PPP2R2C: variants seen among roughly 807,000 people sequenced by gnomAD.
The protein encoded by PPP2R2C is protein phosphatase 2, regulatory subunit B, gamma.
Under a neutral mutation model 45.3 loss-of-function variants are expected in PPP2R2C, and 10 were observed. The observed-to-expected ratio is 0.22, with a 90% CI of 0.14 to 0.37. PPP2R2C has a LOEUF of 0.37. Among genes scored for constraint, PPP2R2C ranks in the 10% least tolerant of loss-of-function variants. The pLI is 1.00. For missense variants in PPP2R2C, 308 were observed against 619.7 expected (o/e 0.50, Z 5.34); for synonymous variants, 257 against 245.4 (o/e 1.05, Z -0.44).
In PPP2R2C at chr4:6,320,712, C is replaced by A. The variant is rs1451644913; in HGVS notation, c.*2590G>T. ...GCACCTATGAGTTACAGAGTCCAAA[C>A]TGATCAGGGCTGACAACTTGACCAC... On this transcript the variant is annotated 3_prime_UTR_variant, in exon 9 of 9. Coordinates refer to ENST00000382599, the MANE Select transcript of PPP2R2C (RefSeq NM_020416.4). The A allele has an allele frequency of 2.6e-5, 4 of 152,618 alleles. No homozygotes were observed. The East Asian group carries it at 7.7e-4, about 29-fold the overall frequency. The allele number at this position is 152,618 out of a possible 1,614,324, so 9.5% of individuals were successfully genotyped here.
chr4:6,322,665 A>G lies in PPP2R2C; in HGVS notation c.*637T>C, dbSNP rs555074687. The G allele has an allele frequency of 6.6e-6, 1 of 152,252 alleles. No individual in the cohort carries two copies. The highest frequency in any genetic ancestry group is 2.1e-4 in the South Asian group (1 of 4,822). The allele number at this position is 152,252 out of a possible 1,614,324, so 9.4% of individuals were successfully genotyped here. Reference sequence around the variant, plus strand: ...CTCGGGAAACCGCACCAGACCTGGGACCTGGGATGTTTCAAGACATTCAGA... The same window carrying G: ...CTCGGGAAACCGCACCAGACCTGGGGCCTGGGATGTTTCAAGACATTCAGA... On this transcript the variant is annotated 3_prime_UTR_variant, in exon 9 of 9. Transcript: ENST00000382599. The surrounding 1 kb of genome is among the most constrained non-coding windows in gnomAD (Gnocchi z 7.8).
rs1429918447 is a variant in PPP2R2C at position 6,337,140 on chromosome 4, A to G, written c.791-3409T>C. On this transcript the variant is annotated intron_variant, in intron 6 of 8. Coordinates refer to ENST00000382599, the MANE Select transcript of PPP2R2C (RefSeq NM_020416.4). ...TATATATATATATATATATATATAT[A>G]TATATATATATATATATATATTTGT... 2.0e-3 allele frequency among the ~76,000 whole-genome samples: 144 copies of G among 73,626 alleles called. 9 individuals carry two copies. The highest frequency in any genetic ancestry group is 7.4e-3 in the African/African-American group (127 of 17,064). The allele number at this position is 73,626 out of a possible 152,430, so 48.3% of individuals were successfully genotyped here. A position where few individuals can be genotyped will look rare whatever the true frequency, so the allele number is the denominator to read the frequency against.
At position 6,324,590 on chromosome 4, in the gene PPP2R2C, GC is replaced by G. The variant is rs1326716674; in HGVS notation, c.1053-998del. ...CACCAGGCCCTGCTTCCCTCCAGGG[GC>G]CCGCCTGTCCCGAGGACTCGGGCGA... On this transcript the variant is annotated intron_variant, in intron 8 of 8. Transcript: ENST00000382599. This position sits in a 1 kb window ranked among gnomAD's most constrained non-coding sequence, Gnocchi z 4.1. 2.6e-5 allele frequency among the ~76,000 whole-genome samples: 4 copies of G among 152,208 alleles called. No individual in the cohort carries two copies. Among genetic ancestry groups the G allele is most frequent in the Non-Finnish European group, 5.9e-5 (4 of 68,020 alleles).
chr4:6,343,776 A>T (rs184596303), intron 6 of PPP2R2C, among the ~76,000 whole-genome samples: 21 of 152,320 alleles, frequency 1.4e-4, no homozygotes, highest in Non-Finnish European at 2.4e-4. Flanking sequence ...TTTTCCTAAG[A>T]TTTCAAGGAG....
At chr4:6,558,959 G>A (rs7680478) in intron 1 of PPP2R2C, among the ~76,000 whole-genome samples, 50,372 of 152,018 alleles carry the variant, frequency 0.33, 9,087 homozygotes, top group East Asian at 0.52. Flanking sequence ...CCAGCCCTGC[G>A]GCTCTGATGG....
chr4:6,512,193 G>T (rs372979721), intron 2 of PPP2R2C, among the ~76,000 whole-genome samples: 1 of 72,652 alleles, frequency 1.4e-5, no homozygotes. Flanking sequence ...TGGTGGTGGT[G>T]GTGGTGATGG....
Position 6,324,898 on chromosome 4 carries a change from A to C in PPP2R2C, c.1053-1305T>G, listed in dbSNP as rs1296976518. 6.6e-6 allele frequency among the ~76,000 whole-genome samples: 1 copy of C among 152,086 alleles called. No individual in the cohort carries two copies. Among genetic ancestry groups the C allele is most frequent in the Non-Finnish European group, 1.5e-5 (1 of 68,010 alleles). On this transcript the variant is annotated intron_variant, in intron 8 of 8. Coordinates refer to ENST00000382599, the MANE Select transcript of PPP2R2C (RefSeq NM_020416.4). The surrounding 1 kb of genome is among the most constrained non-coding windows in gnomAD (Gnocchi z 4.1). ...GCTGTGAGGTGCAAGGTAACTGGGG[A>C]GGAAGAGGATGTTACGAAAAGCGAC...
At chr4:6,548,732 G>A (rs901934460) in intron 1 of PPP2R2C, among the ~76,000 whole-genome samples, 4 of 152,216 alleles carry the variant, frequency 2.6e-5, no homozygotes, top group African/African-American at 9.6e-5. Flanking sequence ...CCCTCCAGGG[G>A]GCAGTCATTG....
At position 6,382,656 on chromosome 4, in the gene PPP2R2C, C is replaced by G. The variant is rs1274658714; in HGVS notation, c.71-1562G>C. ...TCTCTCTCTCTCTCTCTCTCTCTCT[C>G]TCTCTCTCTCTCTCTCTCTCACACA... On this transcript the variant is annotated intron_variant, in intron 1 of 8. Transcript: ENST00000382599. 608 of 270,228 alleles carry G rather than the reference C, an allele frequency of 2.2e-3. 10 individuals carry two copies. The highest frequency in any genetic ancestry group is 3.2e-3 in the Non-Finnish European group (468 of 145,770). 16.7% of individuals were successfully genotyped at this position (270,228 alleles called of 1,614,324 possible).
At chr4:6,524,057 GTGCC>G (rs1396772510) in intron 2 of PPP2R2C, among the ~76,000 whole-genome samples, 1 of 151,942 alleles carries the variant, frequency 6.6e-6, no homozygotes, top group East Asian at 1.9e-4. Context: ...GGGATTACAG[GTGCC>G]TGCCACCAGG....
At chr4:6,387,987 C>A (rs1365367239) in intron 1 of PPP2R2C, among the ~76,000 whole-genome samples, 1 of 152,234 alleles carries the variant, frequency 6.6e-6, no homozygotes, top group African/African-American at 2.4e-5. Context: ...GGCATGTGCT[C>A]TTTTTGGCCA....
chr4:6,469,830 A>G (rs756639176), intron 1 of PPP2R2C, among the ~76,000 whole-genome samples: 4 of 152,210 alleles, frequency 2.6e-5, no homozygotes, highest in Non-Finnish European at 4.4e-5. Flanking sequence ...GGAGGCCAGA[A>G]TTCTACCTAT....
At chr4:6,562,962 C>CAAAAAAAAAAAAAAAAAAAAAAA (rs746793663) in intron 1 of PPP2R2C, among the ~76,000 whole-genome samples, 97 of 83,198 alleles carry the variant, frequency 1.2e-3, no homozygotes, top group African/African-American at 4.2e-3. Flanking sequence ...CCCTGCCAGC[C>CAAAAAAAAAAAAAAAAAAAAAAA]AAAAAAAAAA....
rs1330329470 is a variant in PPP2R2C, at chr4:6,471,112, C to T, written c.70+1048G>A. 6.6e-6 allele frequency among the ~76,000 whole-genome samples: 1 copy of T among 152,188 alleles called. No homozygotes were observed. Among genetic ancestry groups the T allele is most frequent in the East Asian group, 1.9e-4 (1 of 5,160 alleles). On this transcript the variant is annotated intron_variant, in intron 1 of 8. Transcript: ENST00000382599. The surrounding 1 kb of genome is among the most constrained non-coding windows in gnomAD (Gnocchi z 5.6). ...CACTCGGTCTCCCTGACACAGGCAC[C>T]CACGCGCACCTGCCCCGCGGGACCC...
At chr4:6,416,231 G>A (rs1320020974) in intron 1 of PPP2R2C, among the ~76,000 whole-genome samples, 2 of 98,766 alleles carry the variant, frequency 2.0e-5, no homozygotes, top group Non-Finnish European at 4.5e-5. Context: ...CAGCCCTGGG[G>A]TGGCTTCCTT....
At chr4:6,354,258 G>A (rs921263165) in intron 5 of PPP2R2C, among the ~76,000 whole-genome samples, 2 of 151,746 alleles carry the variant, frequency 1.3e-5, no homozygotes, top group African/African-American at 2.4e-5. Context: ...CTTGCCCAGC[G>A]TGCTGCCCCT....
chr4:6,490,694 G>A (rs368756431), intron 2 of PPP2R2C, among the ~76,000 whole-genome samples: 1 of 152,188 alleles, frequency 6.6e-6, no homozygotes, highest in Non-Finnish European at 1.5e-5. Flanking sequence ...TCCAGGGAGA[G>A]CGGACGCATC....
chr4:6,523,756 C>T (rs1235439484), intron 2 of PPP2R2C, among the ~76,000 whole-genome samples: 1 of 152,210 alleles, frequency 6.6e-6, no homozygotes, highest in Non-Finnish European at 1.5e-5. Context: ...CACATGAACA[C>T]TGGAACGCGA....
chr4:6,495,291 A>G (rs1322087267), intron 2 of PPP2R2C, among the ~76,000 whole-genome samples: 2 of 152,220 alleles, frequency 1.3e-5, no homozygotes, highest in East Asian at 3.9e-4. Context: ...CCATATGGCT[A>G]TCGAGGAGGC....
Sources: gnomAD v4.1 joint callset for allele counts (sites outside exome capture counted in the v4.1 genomes callset) on GRCh38, gnomAD v4.1.1 for gene constraint, Gnocchi (gnomAD v3.1) non-coding constraint, MANE v1.5 for transcripts, NCBI Gene and HGNC (gene_info 2026-07-23, HGNC 2026-07-21) for gene names.